MYLK4: variants seen among roughly 807,000 people sequenced by gnomAD.
MYLK4 encodes the protein myosin light chain kinase family member 4.
In MYLK4, 46 loss-of-function variants were observed where a neutral mutation model predicts 48.1. The ratio of observed to expected loss-of-function variants is 0.96; its 90% CI spans 0.75 to 1.22. The LOEUF (loss-of-function observed/expected upper bound fraction) is 1.22. Among genes scored for constraint, MYLK4 ranks in the 50% most tolerant of loss-of-function variants. The pLI is 0.00. For synonymous variants in MYLK4, 170 were observed against 180.8 expected, an observed-to-expected ratio of 0.94 and a Z score of 0.48; for missense variants, 451 against 486.1, an observed-to-expected ratio of 0.93 and a Z score of 0.68.
At chr6:2,742,612 G>A (rs1281011225) in intron 2 of MYLK4, among the ~76,000 whole-genome samples, 10 of 149,906 alleles carry the variant, frequency 6.7e-5, no homozygotes, top group Admixed American at 1.3e-4. Flanking sequence ...GTAAACTATC[G>A]CAAGGACAAA....
chr6:2,762,175 G>A, the MYLK4 span, among the ~76,000 whole-genome samples: 8 of 152,100 alleles, frequency 5.3e-5, no homozygotes, highest in Admixed American at 1.3e-4. Flanking sequence ...CTCCCAAACT[G>A]CTGGGATTAC....
chr6:2,686,082 AG>A lies in MYLK4; in HGVS notation c.342-507del, dbSNP rs1450891614. Among the ~76,000 whole-genome samples, 261 of 66,068 alleles carry A rather than the reference AG, an allele frequency of 4.0e-3. 1 individual carries two copies. Among genetic ancestry groups the A allele is most frequent in the African/African-American group, 0.017 (196 of 11,744 alleles). 43.3% of individuals were successfully genotyped at this position (66,068 alleles called of 152,430 possible). The stretch of plus-strand genomic sequence containing the variant: ...GAATCCATCTCAAAAAAAAAAAAAA[AG>A]AAGAAAGAAAGAAAGAAAAAAAAAA... On this transcript the variant is annotated intron_variant, in intron 4 of 12. Transcript: ENST00000274643.
At chr6:2,714,040 G>A (rs1433664742) in intron 2 of MYLK4, among the ~76,000 whole-genome samples, 3 of 152,180 alleles carry the variant, frequency 2.0e-5, no homozygotes, top group Non-Finnish European at 2.9e-5. Flanking sequence ...CCTAGTGCAC[G>A]GTTGTTTGGA....
chr6:2,723,054 G>C (rs1286595362), intron 2 of MYLK4, among the ~76,000 whole-genome samples: 1 of 152,110 alleles, frequency 6.6e-6, no homozygotes, highest in Non-Finnish European at 1.5e-5. Context: ...CACTTTGGGA[G>C]GCTGAGGGGG....
chr6:2,743,374 G>C (rs1462305531), intron 2 of MYLK4, among the ~76,000 whole-genome samples: 1 of 152,164 alleles, frequency 6.6e-6, no homozygotes, highest in East Asian at 1.9e-4. Context: ...TCTTAGAATA[G>C]GAATTATTTG....
chr6:2,747,633 G>A (rs1180426802), intron 2 of MYLK4, among the ~76,000 whole-genome samples: 1 of 152,130 alleles, frequency 6.6e-6, no homozygotes, highest in East Asian at 1.9e-4. Context: ...GGGATTACAG[G>A]TATGAGCCAT....
chr6:2,769,130 C>T, the MYLK4 span, among the ~76,000 whole-genome samples: 1 of 152,086 alleles, frequency 6.6e-6, no homozygotes, highest in East Asian at 1.9e-4. Flanking sequence ...CAGAAAAGCA[C>T]CTTTGAATCA....
rs564649520 is a variant in MYLK4 at position 2,741,344 on chromosome 6, C to T, written c.159+7792G>A. Among the ~76,000 whole-genome samples, 95 of 152,032 alleles carry T rather than the reference C, an allele frequency of 6.2e-4. 1 individual carries two copies. Among genetic ancestry groups the T allele is most frequent in the Non-Finnish European group, 2.2e-4 (15 of 68,016 alleles). ...TGATTTGCCACATTTGTATTTTTGA[C>T]GACGTTGTTCTAACTTTCAGGGAGA... is the stretch of plus-strand genomic sequence containing the variant. On this transcript the variant is annotated intron_variant, in intron 2 of 12. Transcript: ENST00000274643.
chr6:2,730,658 A>G (rs1400758861), intron 2 of MYLK4, among the ~76,000 whole-genome samples: 1 of 152,160 alleles, frequency 6.6e-6, no homozygotes, highest in Non-Finnish European at 1.5e-5. Context: ...TTTAATACAG[A>G]GGAGATGCTT....
At chr6:2,755,507 T>C (rs1233356687), upstream of MYLK4, among the ~76,000 whole-genome samples, 1 of 152,186 alleles carries the variant, frequency 6.6e-6, no homozygotes, top group African/African-American at 2.4e-5. Context: ...TTAGTCTCCT[T>C]TTATCTATTT....
At chr6:2,675,200 C>T in intron 10 of MYLK4, 75 bp from the exon 11 acceptor site, 2 of 1,070,996 alleles carry the variant, frequency 1.9e-6, no homozygotes, top group Non-Finnish European at 2.9e-6. Flanking sequence ...ATCTCAACTC[C>T]AGCTTCTGCC....
upstream of MYLK4, among the ~76,000 whole-genome samples, chr6:2,752,392 GT>G (rs767440768): frequency 1.1e-4 from 16 of 149,128 alleles, no homozygotes; most frequent in South Asian, 4.2e-4. Flanking sequence ...TTGTTGCTGG[GT>G]TTTTTTTTTC....
chr6:2,681,330 T>C (rs1005932734), intron 7 of MYLK4, among the ~76,000 whole-genome samples: 2 of 152,288 alleles, frequency 1.3e-5, no homozygotes, highest in Middle Eastern at 3.4e-3. Context: ...CAATAGTACA[T>C]TTGGTTGGGC....
intron 6 of MYLK4, among the ~76,000 whole-genome samples, chr6:2,684,004 C>CTATATGTTATATGTCTA (rs2113132523): frequency 6.6e-6 from 1 of 152,290 alleles, no homozygotes; most frequent in Admixed American, 6.5e-5. Context: ...CCTGTATATA[C>CTATATGTTATATGTCTA]TATGTTATTT....
At chr6:2,765,970 AC>A in the MYLK4 span, 1 of 1,408,292 alleles carries the variant, frequency 7.1e-7, no homozygotes, top group South Asian at 1.5e-5. Flanking sequence ...CGCCGCCCAC[AC>A]CCAGCGGCGC....
chr6:2,744,395 C>T (rs1037939314), intron 2 of MYLK4, among the ~76,000 whole-genome samples: 2 of 152,250 alleles, frequency 1.3e-5, no homozygotes, highest in African/African-American at 4.8e-5. Flanking sequence ...GGCTGGGCCA[C>T]TGCCAGGGAG....
At chr6:2,725,527 A>AAGAAAGAAAG (rs1763227233) in intron 2 of MYLK4, among the ~76,000 whole-genome samples, 2 of 135,278 alleles carry the variant, frequency 1.5e-5, no homozygotes, top group African/African-American at 5.9e-5. Flanking sequence ...GAGAGAGAGA[A>AAGAAAGAAAG]AAAGAAACAA....
At chr6:2,770,250 T>C in the MYLK4 span, 4 of 1,614,204 alleles carry the variant, frequency 2.5e-6, no homozygotes, top group Non-Finnish European at 3.4e-6. Flanking sequence ...AAGCTTCCAG[T>C]AGAGGCAATG....
At chr6:2,716,499 T>C (rs1762871079) in intron 2 of MYLK4, among the ~76,000 whole-genome samples, 1 of 152,236 alleles carries the variant, frequency 6.6e-6, no homozygotes, top group African/African-American at 2.4e-5. Context: ...GCATCGAGTA[T>C]TCTATTTCAG....
Sources: gnomAD v4.1 joint callset for allele counts (sites outside exome capture counted in the v4.1 genomes callset) on GRCh38, gnomAD v4.1.1 for gene constraint, MANE v1.5 for transcripts, NCBI Gene and HGNC (gene_info 2026-07-23, HGNC 2026-07-21) for gene names.